DCUN1D4: variants seen among roughly 807,000 people sequenced by gnomAD.
DCUN1D4 encodes DCN1-like protein 4.
A neutral mutation model predicts 47.9 loss-of-function variants in DCUN1D4; 22 were observed. That is an observed-to-expected ratio of 0.46 (90% confidence interval 0.33 to 0.66). DCUN1D4 has a LOEUF of 0.66. Ranked by LOEUF, DCUN1D4 falls within the 30% of genes least tolerant of loss-of-function variation. The pLI, the probability that DCUN1D4 is intolerant of heterozygous loss-of-function variation, is 0.02. For missense variants in DCUN1D4, 301 were observed against 340.8 expected (o/e 0.88, Z 0.92); for synonymous variants, 121 against 112.2 (o/e 1.08, Z -0.50).
chr4:51,889,863 C>T (rs1730146652), intron 6 of DCUN1D4, among the ~76,000 whole-genome samples: 1 of 152,126 alleles, frequency 6.6e-6, no homozygotes, highest in South Asian at 2.1e-4. Context: ...ACCACTTTAA[C>T]CTATTTAACA....
chr4:51,894,799 CAA>C (rs1019183813), intron 7 of DCUN1D4, among the ~76,000 whole-genome samples: 3 of 152,052 alleles, frequency 2.0e-5, no homozygotes, highest in African/African-American at 7.2e-5. Flanking sequence ...AAGTATAGAA[CAA>C]AATATTTTTA....
Position 51,874,307 on chromosome 4 carries a change from A to T in DCUN1D4, c.173A>T (p.Asn58Ile). ...TCTTGCAGTTCTTCAGACTGCTTTA[A>T]TAAAGTGATGCCACCAAGGAAAAAG... ...LRSCSSSDCF[N>I]KVMPPRKKRR... The change falls in exon 4 of 11, where the codon AAT becomes ATT. Residue 58 changes from asparagine (N) to isoleucine (I), a missense_variant. Physicochemically the swap from Asn to Ile is moderately radical, Grantham distance 149 (BLOSUM62 -3). Transcript: ENST00000334635. 6.2e-7 allele frequency: 1 copy of T among 1,613,564 alleles called. No homozygotes were observed. The highest frequency in any genetic ancestry group is 8.5e-7 in the Non-Finnish European group (1 of 1,179,844).
intron 1 of DCUN1D4, among the ~76,000 whole-genome samples, chr4:51,853,111 G>T (rs1723609376): frequency 6.6e-6 from 1 of 152,182 alleles, no homozygotes; most frequent in Admixed American, 6.5e-5. Context: ...TGAAGTGACT[G>T]AGTCCCTTGG....
At chr4:51,850,271 C>G (rs942555415) in intron 1 of DCUN1D4, among the ~76,000 whole-genome samples, 3 of 152,144 alleles carry the variant, frequency 2.0e-5, no homozygotes, top group African/African-American at 7.2e-5. Flanking sequence ...ATAAATAATA[C>G]TTTGCCGCAC....
intron 8 of DCUN1D4, among the ~76,000 whole-genome samples, chr4:51,906,414 C>CT: frequency 6.6e-6 from 1 of 152,320 alleles, no homozygotes; most frequent in Non-Finnish European, 1.5e-5. Flanking sequence ...TCAGAGAAAT[C>CT]CTCTTGAAGC....
rs980227374 is a variant in DCUN1D4, at chr4:51,914,703, G to A, written c.*1119G>A. On this transcript the variant is annotated 3_prime_UTR_variant, in exon 11 of 11. Coordinates refer to ENST00000334635, the MANE Select transcript of DCUN1D4 (RefSeq NM_001040402.3). ...GCTAACCCAGTACATGCTAGGACCT[G>A]TCCTAGAGGGGCCACTTTTCATTAC... 3 of 152,418 alleles carry A rather than the reference G, an allele frequency of 2.0e-5. No homozygotes were observed. The highest frequency in any genetic ancestry group is 7.2e-5 in the African/African-American group (3 of 41,384). The allele number at this position is 152,418 out of a possible 1,614,324, so 9.4% of individuals were successfully genotyped here. A position where few individuals can be genotyped will look rare whatever the true frequency, so the allele number is the denominator to read the frequency against.
intron 5 of DCUN1D4, 100 bp from the exon 6 acceptor site, chr4:51,886,468 T>A (rs958332084): frequency 4.0e-6 from 4 of 991,392 alleles, no homozygotes; most frequent in Non-Finnish European, 5.8e-6. Flanking sequence ...AAGGAGTTAA[T>A]GGCCTTTAAG....
intron 3 of DCUN1D4, among the ~76,000 whole-genome samples, chr4:51,866,692 T>C (rs547478573): frequency 3.5e-4 from 54 of 152,326 alleles, no homozygotes; most frequent in African/African-American, 1.3e-3. Context: ...AGATAAGTAT[T>C]GTTACTATAG....
chr4:51,908,976 G>A (rs1427244888), intron 8 of DCUN1D4: 3 of 456,302 alleles, frequency 6.6e-6, no homozygotes, highest in Admixed American at 4.7e-5. Context: ...CAGAGCAGGA[G>A]TAAGTGAGTG....
At chr4:51,846,731 T>C (rs1026912791) in intron 1 of DCUN1D4, among the ~76,000 whole-genome samples, 6 of 152,206 alleles carry the variant, frequency 3.9e-5, no homozygotes, top group Non-Finnish European at 8.8e-5. Context: ...GGGCTTATTA[T>C]TGTTCGGTAG....
Position 51,891,849 on chromosome 4 carries a change from C to G in DCUN1D4, c.504C>G (p.Leu168=). ...LQEWLKGMTS[L]QCDTTEKLRN... is the part of the protein sequence containing the mutation. The stretch of plus-strand genomic sequence containing the variant: ...AGTGGTTAAAAGGAATGACTTCTCT[C>G]CAGTAAGTCCTAGGCTGCACTAGTG... The change falls in exon 7 of 11, where the codon CTC becomes CTG. Residue 168 remains leucine (L), a splice_region_variant and synonymous_variant. Coordinates refer to ENST00000334635, the MANE Select transcript of DCUN1D4 (RefSeq NM_001040402.3). The G allele has an allele frequency of 6.2e-7, 1 of 1,608,448 alleles. No homozygotes were observed. Among genetic ancestry groups the G allele is most frequent in the Non-Finnish European group, 8.5e-7 (1 of 1,176,780 alleles).
upstream of DCUN1D4, chr4:51,843,022 C>T: frequency 7.4e-7 from 1 of 1,343,600 alleles, no homozygotes. Flanking sequence ...GGCCTCGTTG[C>T]CAGCTCCAGA....
chr4:51,877,946 C>T, intron 5 of DCUN1D4, 92 bp downstream of exon 5: 1 of 877,576 alleles, frequency 1.1e-6, no homozygotes, highest in East Asian at 2.7e-5. Flanking sequence ...GTGTACATTT[C>T]AAATTTGGGT....
chr4:51,864,775 A>G (rs1402346868), intron 3 of DCUN1D4, among the ~76,000 whole-genome samples: 1 of 152,176 alleles, frequency 6.6e-6, no homozygotes, highest in African/African-American at 2.4e-5. Flanking sequence ...ATTAGCTTTC[A>G]GCATGTAAAT....
intron 1 of DCUN1D4, among the ~76,000 whole-genome samples, chr4:51,852,066 G>A (rs1723458033): frequency 6.6e-6 from 1 of 152,170 alleles, no homozygotes; most frequent in Non-Finnish European, 1.5e-5. Flanking sequence ...GACAGAGCCA[G>A]CTGATGGATT....
chr4:51,852,760 G>A (rs1425961305), intron 1 of DCUN1D4, among the ~76,000 whole-genome samples: 6 of 152,142 alleles, frequency 3.9e-5, no homozygotes, highest in Non-Finnish European at 8.8e-5. Flanking sequence ...CAGTAGCTTC[G>A]CAAAGAGGTT....
intron 1 of DCUN1D4, among the ~76,000 whole-genome samples, chr4:51,846,225 C>T (rs1430945548): frequency 6.6e-6 from 1 of 152,088 alleles, no homozygotes; most frequent in Non-Finnish European, 1.5e-5. Flanking sequence ...TGATTTTTGG[C>T]GCTTGGGGAG....
intron 8 of DCUN1D4, among the ~76,000 whole-genome samples, chr4:51,902,639 T>A (rs1732295328): frequency 6.6e-6 from 1 of 152,216 alleles, no homozygotes; most frequent in Admixed American, 6.5e-5. Context: ...TTTCTTTATG[T>A]TTAAAGTGGA....
rs981011905 is a variant in DCUN1D4 at position 51,844,387 on chromosome 4, G to A, written c.25+1120G>A. ...GAACTGGCCGTGGTTCCCCCCGGAC[G>A]GCGGGAAGCGAGGTCAGCGCTGGCG... On this transcript the variant is annotated intron_variant, in intron 1 of 10. Transcript: ENST00000334635. The A allele has an allele frequency of 7.1e-6, 7 of 984,882 alleles. No homozygotes were observed. In the African/African-American group the frequency reaches 1.1e-4, roughly 15 times the overall value. The allele number at this position is 984,882 out of a possible 1,614,324, so 61.0% of individuals were successfully genotyped here.
Sources: allele counts gnomAD v4.1 joint callset (sites outside exome capture counted in the v4.1 genomes callset), GRCh38; gene constraint gnomAD v4.1.1; transcripts MANE v1.5; gene names NCBI Gene and HGNC (gene_info 2026-07-23, HGNC 2026-07-21).